ABCA13: variants seen among roughly 807,000 people sequenced by gnomAD.
ABCA13 encodes the protein ATP binding cassette subfamily A member 13.
Under a neutral mutation model 478.7 loss-of-function variants are expected in ABCA13, and 476 were observed. The observed-to-expected ratio is 0.99, with a 90% CI of 0.92 to 1.07. The LOEUF (loss-of-function observed/expected upper bound fraction) is 1.07. Among genes scored for constraint, ABCA13 ranks in the 50% least tolerant of loss-of-function variants. ABCA13 has a pLI of 0.00. For synonymous variants in ABCA13, 2,252 were observed against 2,158.9 expected, an observed-to-expected ratio of 1.04 and a Z score of -1.20; for missense variants, 6,060 against 5,910.6, an observed-to-expected ratio of 1.03 and a Z score of -0.83.
intron 44 of ABCA13, among the ~76,000 whole-genome samples, chr7:48,468,805 GGTGCTATGTTGAACT>G (rs1484144967): frequency 6.6e-6 from 1 of 152,124 alleles, no homozygotes; most frequent in South Asian, 2.1e-4. Context: ...TCAACTCAAT[GGTGCTATGTTGAACT>G]TCTGATTTGT....
At chr7:48,455,423 C>A (rs748189797) in intron 43 of ABCA13, 137 bp downstream of exon 43, 4 of 1,296,308 alleles carry the variant, frequency 3.1e-6, no homozygotes, top group East Asian at 2.6e-5. Context: ...TCTGAATTCA[C>A]GAGGAGATCC....
chr7:48,396,910 G>A (rs1387915915), intron 38 of ABCA13, among the ~76,000 whole-genome samples: 6 of 152,178 alleles, frequency 3.9e-5, no homozygotes, highest in African/African-American at 1.2e-4. Context: ...TTGCAAACAC[G>A]GGATCCTAGA....
In ABCA13 at chr7:48,314,253, A is replaced by C; in HGVS notation, c.9703A>C (p.Arg3235=). 1 of 1,613,280 alleles carries C rather than the reference A, an allele frequency of 6.2e-7. No individual in the cohort carries two copies. The highest frequency in any genetic ancestry group is 8.5e-7 in the Non-Finnish European group (1 of 1,179,776). Residue 3235 remains arginine, a synonymous_variant, in exon 26 of 62, where the codon AGA becomes CGA. Coordinates refer to ENST00000435803, the MANE Select transcript of ABCA13 (RefSeq NM_152701.5). ...FQQVSQNVQA[R]SSAFGSFQFV... ...TCAGGTTTCACAAAATGTCCAGGCC[A>C]GAAGTTCAGCTTTTGGTTCTTTCCA...
intron 56 of ABCA13, among the ~76,000 whole-genome samples, chr7:48,582,315 G>A (rs1001692331): frequency 1.3e-5 from 2 of 152,150 alleles, no homozygotes; most frequent in African/African-American, 4.8e-5. Flanking sequence ...TAACAGTTCA[G>A]TCTTATTTTT....
At position 48,272,663 on chromosome 7, in the gene ABCA13, A is replaced by G. The variant is rs201345468; in HGVS notation, c.2997A>G (p.Ile999Met). ...TQISKHILDIIKQFNFQNISK... is the reference protein window; with the variant it reads ...TQISKHILDIMKQFNFQNISK... Reference sequence around the variant, plus strand: ...TCTCAAAACACATTTTGGATATCATAAAACAATTTAATTTCCAAAACATCA... The same window carrying G: ...TCTCAAAACACATTTTGGATATCATGAAACAATTTAATTTCCAAAACATCA... Residue 999 changes from isoleucine to methionine, a missense_variant, in exon 17 of 62, where the codon ATA (isoleucine) becomes ATG (methionine). Physicochemically the swap from Ile to Met is conservative, Grantham distance 10. Around this residue, in one of 3 missense-constraint regions of ABCA13, gnomAD observed 4,423 missense variants for 4,309.1 expected, o/e 1.03. Coordinates refer to ENST00000435803, the MANE Select transcript of ABCA13 (RefSeq NM_152701.5). 2.4e-4 allele frequency: 389 copies of G among 1,612,942 alleles called. No individual in the cohort carries two copies. Among genetic ancestry groups the G allele is most frequent in the Non-Finnish European group, 3.0e-4 (350 of 1,179,408 alleles).
chr7:48,390,258 G>T (rs1815837720), intron 37 of ABCA13, among the ~76,000 whole-genome samples: 1 of 152,214 alleles, frequency 6.6e-6, no homozygotes. Flanking sequence ...TGACTGTGTT[G>T]CTTTTAGTGT....
intron 32 of ABCA13, among the ~76,000 whole-genome samples, chr7:48,369,282 G>C (rs556408672): frequency 6.6e-6 from 1 of 152,000 alleles, no homozygotes; most frequent in Admixed American, 6.6e-5. Context: ...GTAGATTCTG[G>C]ATATTAGTCA....
At position 48,339,053 on chromosome 7, in the gene ABCA13, G is replaced by T. The variant is rs183790835; in HGVS notation, c.10204+598G>T. Among the ~76,000 whole-genome samples the T allele has an allele frequency of 4.3e-4, 65 of 152,296 alleles. 1 individual carries two copies. The East Asian group carries it at 7.7e-3, about 18-fold the overall frequency. On this transcript the variant is annotated intron_variant, in intron 29 of 61. Transcript: ENST00000435803. ...CACTGTGGCAAAATCAGCGATCAGG[G>T]CCCTGCCAGAGAAGCTCTCAGGAGC...
intron 55 of ABCA13, among the ~76,000 whole-genome samples, chr7:48,538,164 G>A (rs919974288): frequency 1.4e-5 from 2 of 138,758 alleles, no homozygotes; most frequent in Non-Finnish European, 3.0e-5. Flanking sequence ...GCAGTGGTGC[G>A]ATCTCAGCTC....
rs1169708132 is a variant in ABCA13 at position 48,272,648 on chromosome 7, C to A, written c.2982C>A (p.His994Gln). ...SLTFLTQISK[H>Q]ILDIIKQFNF... Reference sequence around the variant, plus strand: ...CTTTCCTTACACAAATCTCAAAACACATTTTGGATATCATAAAACAATTTA... The same window carrying A: ...CTTTCCTTACACAAATCTCAAAACAAATTTTGGATATCATAAAACAATTTA... Residue 994 changes from histidine (H) to glutamine (Q), a missense_variant, in exon 17 of 62, where the codon CAC (histidine) becomes CAA (glutamine). Physicochemically the swap from His to Gln is conservative, Grantham distance 24 (BLOSUM62 0). Transcript: ENST00000435803. 30 of 1,612,944 alleles carry A rather than the reference C, an allele frequency of 1.9e-5. No homozygotes were observed. Among genetic ancestry groups the A allele is most frequent in the Admixed American group, 1.5e-4 (9 of 59,892 alleles).
chr7:48,304,327 GCC>G (rs1348747772), intron 23 of ABCA13, among the ~76,000 whole-genome samples: 6 of 152,180 alleles, frequency 3.9e-5, no homozygotes, highest in Non-Finnish European at 7.4e-5. Flanking sequence ...CCAGACAGCA[GCC>G]ATGGCCTCAC....
In ABCA13 at chr7:48,248,452, CAT is replaced by C. The variant is rs755421491; in HGVS notation, c.1865+9_1865+10del. 16 of 1,562,242 alleles carry C rather than the reference CAT, an allele frequency of 1.0e-5. No homozygotes were observed. The African/African-American group carries it at 2.2e-4, about 21-fold the overall frequency. ...CCAGCTTGTCTCCACAGTGTAAGTA[CAT>C]GTTTGGTGGGAAACTTATAAACAAT... is the stretch of plus-strand genomic sequence containing the variant. On this transcript the variant is annotated intron_variant, in intron 14 of 61. Transcript: ENST00000435803.
chr7:48,219,049 C>G (rs1786926910), intron 3 of ABCA13, among the ~76,000 whole-genome samples: 1 of 152,166 alleles, frequency 6.6e-6, no homozygotes, highest in African/African-American at 2.4e-5. Context: ...GCACCGTGTG[C>G]AGGGCATGCT....
intron 9 of ABCA13, among the ~76,000 whole-genome samples, chr7:48,239,894 A>G (rs1454393214): frequency 1.3e-5 from 2 of 152,192 alleles, no homozygotes; most frequent in African/African-American, 4.8e-5. Context: ...GTCTGTCTTT[A>G]TAGGGATGTT....
intron 10 of ABCA13, among the ~76,000 whole-genome samples, chr7:48,242,573 G>C (rs1336316533): frequency 6.6e-6 from 1 of 152,088 alleles, no homozygotes; most frequent in Admixed American, 6.6e-5. Context: ...GAGTAGCTGG[G>C]ATTACAGGCT....
At chr7:48,627,586 G>T (rs528202968) in intron 59 of ABCA13, among the ~76,000 whole-genome samples, 2 of 152,064 alleles carry the variant, frequency 1.3e-5, no homozygotes, top group Non-Finnish European at 2.9e-5. Context: ...ATAATAATAC[G>T]TATTTTATAG....
chr7:48,583,032 G>A (rs1180244305), intron 56 of ABCA13, among the ~76,000 whole-genome samples: 3 of 152,142 alleles, frequency 2.0e-5, no homozygotes, highest in African/African-American at 7.2e-5. Flanking sequence ...CAATGTTAGT[G>A]TCATACCATA....
Position 48,272,696 on chromosome 7 carries a change from A to G in ABCA13, c.3030A>G (p.Ala1010=). 6.2e-7 allele frequency: 1 copy of G among 1,612,264 alleles called. No homozygotes were observed. The highest frequency in any genetic ancestry group is 1.1e-5 in the South Asian group (1 of 90,884). The change falls in exon 17 of 62, where the codon GCA becomes GCG. Residue 1010 remains alanine (A), a synonymous_variant. Coordinates refer to ENST00000435803, the MANE Select transcript of ABCA13 (RefSeq NM_152701.5). ...KQFNFQNISK[A]FAFLFKTAEV... ...TTAATTTCCAAAACATCAGTAAAGC[A>G]TTTGCATTTTTATTTAAGACAGCAG...
chr7:48,360,808 C>T (rs527879916), intron 31 of ABCA13, among the ~76,000 whole-genome samples: 20 of 152,006 alleles, frequency 1.3e-4, no homozygotes, highest in African/African-American at 4.4e-4. Flanking sequence ...GCACTGTAAT[C>T]GCATGACATA....
Sources: allele counts gnomAD v4.1 joint callset (sites outside exome capture counted in the v4.1 genomes callset), GRCh38; gene constraint gnomAD v4.1.1; regional missense constraint gnomAD v4.1.1; transcripts MANE v1.5; gene names NCBI Gene and HGNC (gene_info 2026-07-23, HGNC 2026-07-21).